The following HACE1 variants were observed in gnomAD, a reference collection of about 807,000 sequenced individuals.
HACE1 encodes the protein E3 ubiquitin-protein ligase HACE1.
Under a neutral mutation model 118.4 loss-of-function variants are expected in HACE1, and 73 were observed. The observed-to-expected ratio is 0.62, with a 90% CI of 0.51 to 0.75. The LOEUF is 0.75. Ranked by LOEUF, HACE1 falls within the 30% of genes least tolerant of loss-of-function variation. The pLI is 0.00. For synonymous variants in HACE1, 368 were observed against 374.8 expected (o/e 0.98, Z 0.21); for missense variants, 749 against 1,102.2 (o/e 0.68, Z 4.54).
intron 17 of HACE1, among the ~76,000 whole-genome samples, chr6:104,773,028 C>T (rs1168962446): frequency 2.0e-5 from 3 of 150,580 alleles, no homozygotes; most frequent in South Asian, 2.1e-4. Context: ...ATTTCACCAC[C>T]GTAAAAAAAA....
At chr6:104,820,742 G>A (rs569183653) in intron 6 of HACE1, among the ~76,000 whole-genome samples, 2 of 152,294 alleles carry the variant, frequency 1.3e-5, no homozygotes, top group African/African-American at 4.8e-5. Context: ...CCGTTGGTGG[G>A]AGTAAATTAT....
At chr6:104,833,909 C>T (rs1356330652) in intron 5 of HACE1, among the ~76,000 whole-genome samples, 1 of 152,116 alleles carries the variant, frequency 6.6e-6, no homozygotes, top group Non-Finnish European at 1.5e-5. Context: ...CACTTGAACC[C>T]AGGAGGCGGC....
chr6:104,776,707 T>C, intron 17 of HACE1, 34 bp downstream of exon 17: 1 of 1,226,204 alleles, frequency 8.2e-7, no homozygotes, highest in Non-Finnish European at 1.2e-6. Context: ...ATGTGACAAG[T>C]TGCAGAAAAA....
intron 23 of HACE1, 130 bp downstream of exon 23, chr6:104,730,173 G>C (rs760464438): frequency 1.4e-6 from 1 of 693,496 alleles, no homozygotes; most frequent in Non-Finnish European, 2.6e-6. Context: ...TTACTCATCA[G>C]TGATTCCAAA....
intron 7 of HACE1, among the ~76,000 whole-genome samples, chr6:104,798,408 C>A (rs1769927896): frequency 6.6e-6 from 1 of 151,994 alleles, no homozygotes; most frequent in South Asian, 2.1e-4. Flanking sequence ...TTAAAAAAAA[C>A]TTAATAGTAT....
intron 7 of HACE1, among the ~76,000 whole-genome samples, chr6:104,806,694 T>A (rs1482995723): frequency 3.9e-5 from 6 of 152,160 alleles, no homozygotes. Context: ...ATGAAGTTGT[T>A]TTTGAGATAG....
chr6:104,785,502 A>G (rs1782290025), intron 11 of HACE1, 183 bp from the exon 12 acceptor site: 1 of 566,380 alleles, frequency 1.8e-6, no homozygotes, highest in Non-Finnish European at 3.1e-6. Flanking sequence ...AATGCTACAT[A>G]AATGACAATT....
chr6:104,799,644 C>T (rs1276584062), intron 7 of HACE1, among the ~76,000 whole-genome samples: 5 of 152,302 alleles, frequency 3.3e-5, no homozygotes, highest in South Asian at 2.1e-4. Flanking sequence ...TTTGAATCTG[C>T]ATCAGTCTGA....
chr6:104,749,528 G>C (rs1582650261), intron 20 of HACE1, among the ~76,000 whole-genome samples: 1 of 151,966 alleles, frequency 6.6e-6, no homozygotes, highest in African/African-American at 2.4e-5. Context: ...AAAATGAAAG[G>C]CATGGGGTAA....
chr6:104,733,565 G>GT (rs1775439072), intron 22 of HACE1, among the ~76,000 whole-genome samples: 1 of 152,086 alleles, frequency 6.6e-6, no homozygotes, highest in African/African-American at 2.4e-5. Context: ...TATTTAAAAA[G>GT]TAATTGGCCA....
chr6:104,731,552 A>G (rs1775203113), intron 22 of HACE1: 1 of 152,124 alleles, frequency 6.6e-6, no homozygotes, highest in South Asian at 2.1e-4. Context: ...AGAGGCCAGA[A>G]ATAACCCCTC....
At chr6:104,852,223 G>A in intron 2 of HACE1, 94 bp downstream of exon 2, 1 of 718,576 alleles carries the variant, frequency 1.4e-6, no homozygotes, top group South Asian at 1.4e-5. Context: ...GTGTGTGTGT[G>A]TGTGTGCGCG....
At chr6:104,740,688 A>G (rs1228701355) in intron 22 of HACE1, among the ~76,000 whole-genome samples, 1 of 148,362 alleles carries the variant, frequency 6.7e-6, no homozygotes, top group Non-Finnish European at 1.5e-5. Context: ...AACCAAAAAG[A>G]GTCCAGGACC....
chr6:104,756,150 T>C (rs56073778), intron 19 of HACE1, among the ~76,000 whole-genome samples: 3,807 of 152,076 alleles, frequency 0.025, 57 homozygotes, highest in South Asian at 0.057. Context: ...CGGTGGCTCA[T>C]GCCTGTAATC....
chr6:104,765,718 G>T (rs1779928020), intron 19 of HACE1, among the ~76,000 whole-genome samples: 1 of 152,088 alleles, frequency 6.6e-6, no homozygotes, highest in Non-Finnish European at 1.5e-5. Context: ...TTTATGATCG[G>T]CATACCATTA....
At chr6:104,799,438 G>C (rs1770052130) in intron 7 of HACE1, among the ~76,000 whole-genome samples, 1 of 152,152 alleles carries the variant, frequency 6.6e-6, no homozygotes, top group Admixed American at 6.5e-5. Flanking sequence ...CAAATTGCTG[G>C]GAAGAGCTCT....
At chr6:104,787,472 G>A (rs1434223673) in intron 11 of HACE1, 1 of 152,198 alleles carries the variant, frequency 6.6e-6, no homozygotes, top group Non-Finnish European at 1.5e-5. Flanking sequence ...TGAACCTGCT[G>A]TAGAAGATGA....
At chr6:104,779,857 T>C (rs9499969) in intron 14 of HACE1, among the ~76,000 whole-genome samples, 4,804 of 152,090 alleles carry the variant, frequency 0.032, 241 homozygotes, top group African/African-American at 0.11. Flanking sequence ...AACATAATTA[T>C]GATAATTATA....
chr6:104,836,126 G>C (rs34061804), intron 5 of HACE1, among the ~76,000 whole-genome samples: 27,242 of 152,004 alleles, frequency 0.18, 2,607 homozygotes, highest in African/African-American at 0.25. Flanking sequence ...TATAACAAGA[G>C]AACCCAAAGC....
Sources: allele counts gnomAD v4.1 joint callset (sites outside exome capture counted in the v4.1 genomes callset), GRCh38; gene constraint gnomAD v4.1.1; transcripts MANE v1.5; gene names NCBI Gene and HGNC (gene_info 2026-07-23, HGNC 2026-07-21).